Variants in GALNT10 observed in about 807,000 individuals in gnomAD.
GALNT10 encodes polypeptide N-acetylgalactosaminyltransferase 10, also known as GalNAc transferase 10.
GALNT10 carries 41 observed loss-of-function variants against 75.0 expected under a neutral mutation model. The observed-to-expected ratio is 0.55, with a 90% CI of 0.43 to 0.71. The LOEUF is 0.71. GALNT10 is among the 30% of genes least tolerant of loss of function. The probability of loss-of-function intolerance (pLI) is 0.00; values close to 1 mark genes in which losing one functional copy is unlikely to be tolerated. For synonymous variants in GALNT10, 302 were observed against 313.0 expected, an observed-to-expected ratio of 0.96 and a Z score of 0.37; for missense variants, 727 against 818.5, an observed-to-expected ratio of 0.89 and a Z score of 1.36.
intron 5 of GALNT10, among the ~76,000 whole-genome samples, chr5:154,378,875 T>G (rs1434194857): frequency 6.6e-6 from 1 of 152,142 alleles, no homozygotes; most frequent in African/African-American, 2.4e-5. Context: ...TCCTTGGACA[T>G]GAAGTCCGCT....
chr5:154,412,547 G>T lies in GALNT10; in HGVS notation c.1387-342G>T. ...TGCACCTGAGTCACCTGGAATGGGGGTAAAATCTGGTTCCTGGACCTGTCG... is the reference window on the plus strand; with the variant it reads ...TGCACCTGAGTCACCTGGAATGGGGTTAAAATCTGGTTCCTGGACCTGTCG... On this transcript the variant is annotated intron_variant, in intron 9 of 11. Transcript: ENST00000297107. This position sits in a 1 kb window ranked among gnomAD's most constrained non-coding sequence, Gnocchi z 4.2. The T allele has an allele frequency of 7.0e-6, 2 of 284,402 alleles. No individual in the cohort carries two copies. Among genetic ancestry groups the T allele is most frequent in the Non-Finnish European group, 1.4e-5 (2 of 147,362 alleles). 17.6% of individuals were successfully genotyped at this position (284,402 alleles called of 1,614,324 possible).
intron 5 of GALNT10, among the ~76,000 whole-genome samples, chr5:154,379,587 C>G (rs112154609): frequency 1.3e-5 from 2 of 152,296 alleles, no homozygotes; most frequent in African/African-American, 4.8e-5. Context: ...ACTGTTACCC[C>G]CCAGCTGTGG....
chr5:154,359,396 G>A (rs2113153367), intron 4 of GALNT10, among the ~76,000 whole-genome samples: 1 of 152,120 alleles, frequency 6.6e-6, no homozygotes, highest in East Asian at 1.9e-4. Context: ...GATTTTGATG[G>A]TGACCAGACG....
At position 154,329,707 on chromosome 5, in the gene GALNT10, G is replaced by C; in HGVS notation, c.537G>C (p.Glu179Asp). 1 of 1,613,838 alleles carries C rather than the reference G, an allele frequency of 6.2e-7. No individual in the cohort carries two copies. The highest frequency in any genetic ancestry group is 1.6e-4 in the Middle Eastern group (1 of 6,062). The change falls in exon 4 of 12, where the codon GAG becomes GAC. Residue 179 changes from glutamate to aspartate, a missense_variant. Physicochemically the swap from Glu to Asp is conservative, Grantham distance 45. Coordinates refer to ENST00000297107, the MANE Select transcript of GALNT10 (RefSeq NM_198321.4). ...GCTCGCCTCCAGAGCTGGTCGCCGA[G>C]ATTGTACTGGTCGACGACTTCAGTG... ...LNRSPPELVA[E>D]IVLVDDFSDR...
rs747302980 is a variant in GALNT10, at chr5:154,219,053, G to A, written c.159+28028G>A. ...CCCCTAGACTTTAGGATAAAATCCA[G>A]CTTCTTGCTATGGCTGCTCAGGCCC... On this transcript the variant is annotated intron_variant, in intron 1 of 11. Transcript: ENST00000297107. Among the ~76,000 whole-genome samples, 4 of 152,162 alleles carry A rather than the reference G, an allele frequency of 2.6e-5. No homozygotes were observed. The South Asian group carries it at 8.3e-4, about 31-fold the overall frequency.
intron 1 of GALNT10, among the ~76,000 whole-genome samples, chr5:154,276,562 G>T (rs1055248379): frequency 2.0e-5 from 3 of 152,188 alleles, no homozygotes; most frequent in Admixed American, 2.0e-4. Flanking sequence ...AAGGGGAGGG[G>T]ATTATAGGAG....
At chr5:154,279,747 AT>A (rs921213929) in intron 1 of GALNT10, among the ~76,000 whole-genome samples, 76 of 148,146 alleles carry the variant, frequency 5.1e-4, no homozygotes, top group African/African-American at 1.5e-3. Flanking sequence ...CACCTGACAA[AT>A]TTTTTTTTTA....
intron 1 of GALNT10, among the ~76,000 whole-genome samples, chr5:154,247,492 A>C (rs1328289055): frequency 6.6e-6 from 1 of 152,176 alleles, no homozygotes; most frequent in Non-Finnish European, 1.5e-5. Context: ...TTCATTGAGC[A>C]GTCGTTTGTA....
At chr5:154,270,785 G>A (rs1053384453) in intron 1 of GALNT10, among the ~76,000 whole-genome samples, 3 of 152,096 alleles carry the variant, frequency 2.0e-5, no homozygotes, top group African/African-American at 7.2e-5. Flanking sequence ...TCTGAGGTCA[G>A]GCATTCAAGA....
chr5:154,386,460 T>C (rs1232690365), intron 7 of GALNT10, 30 bp downstream of exon 7: 2 of 1,361,762 alleles, frequency 1.5e-6, no homozygotes, highest in Non-Finnish European at 2.1e-6. Flanking sequence ...GCCCCGTTCT[T>C]GGCACAGCCT....
intron 1 of GALNT10, among the ~76,000 whole-genome samples, chr5:154,272,902 C>G (rs920574102): frequency 2.0e-5 from 3 of 150,470 alleles, no homozygotes; most frequent in African/African-American, 7.3e-5. Flanking sequence ...GTGCAGGGGC[C>G]AGATCATAGC....
At chr5:154,200,538 T>C (rs542245723) in intron 1 of GALNT10, among the ~76,000 whole-genome samples, 2 of 152,138 alleles carry the variant, frequency 1.3e-5, no homozygotes, top group Non-Finnish European at 2.9e-5. Flanking sequence ...TCCTGAGTAT[T>C]GATCAGAGTC....
At position 154,298,085 on chromosome 5, in the gene GALNT10, T is replaced by C. The variant is rs1429589281; in HGVS notation, c.401+6T>C. 1.2e-6 allele frequency: 2 copies of C among 1,609,916 alleles called. No individual in the cohort carries two copies. Among genetic ancestry groups the C allele is most frequent in the Non-Finnish European group, 1.7e-6 (2 of 1,177,874 alleles). ...CCAGATATCCGGCACCCAAAGTGAG[T>C]GTAACATCTCTCAAATTCTGAGATC... On this transcript the variant is annotated splice_donor_region_variant and intron_variant, in intron 3 of 11. Transcript: ENST00000297107. This position sits in a 1 kb window ranked among gnomAD's most constrained non-coding sequence, Gnocchi z 4.1.
At chr5:154,338,345 G>A (rs1754975736) in intron 4 of GALNT10, 1 of 489,810 alleles carries the variant, frequency 2.0e-6, no homozygotes, top group Non-Finnish European at 3.8e-6. Flanking sequence ...AAAAATTTGA[G>A]GCTGAGATTT....
At chr5:154,391,466 CT>C (rs1363590502) in intron 7 of GALNT10, among the ~76,000 whole-genome samples, 2 of 152,194 alleles carry the variant, frequency 1.3e-5, no homozygotes, top group Non-Finnish European at 2.9e-5. Flanking sequence ...CCCTCCTTCT[CT>C]GTCTGTCTCT....
intron 4 of GALNT10, among the ~76,000 whole-genome samples, chr5:154,371,186 C>T (rs914680509): frequency 3.9e-5 from 6 of 152,134 alleles, no homozygotes; most frequent in Non-Finnish European, 7.3e-5. Flanking sequence ...GTCTCTGCCT[C>T]CATCATCACA....
At chr5:154,326,413 T>C (rs1157221868) in intron 3 of GALNT10, among the ~76,000 whole-genome samples, 1 of 152,192 alleles carries the variant, frequency 6.6e-6, no homozygotes, top group Non-Finnish European at 1.5e-5. Context: ...ACCCACAGAA[T>C]TGAAAACATG....
chr5:154,324,102 G>A (rs1038566413), intron 3 of GALNT10, among the ~76,000 whole-genome samples: 3 of 152,246 alleles, frequency 2.0e-5, no homozygotes, highest in Non-Finnish European at 4.4e-5. Flanking sequence ...CTAGTTGTGT[G>A]ACTGCATACA....
intron 1 of GALNT10, among the ~76,000 whole-genome samples, chr5:154,293,753 CCTT>C (rs1486115434): frequency 1.3e-5 from 2 of 151,986 alleles, no homozygotes; most frequent in East Asian, 3.9e-4. Context: ...TTGCGGCACT[CCTT>C]CTCCTTGGGC....
Sources: allele counts gnomAD v4.1 joint callset (sites outside exome capture counted in the v4.1 genomes callset), GRCh38; gene constraint gnomAD v4.1.1; non-coding constraint Gnocchi (gnomAD v3.1); transcripts MANE v1.5; gene names NCBI Gene and HGNC (gene_info 2026-07-23, HGNC 2026-07-21).